Variants in DLD observed in about 807,000 individuals in gnomAD.
DLD encodes dihydrolipoyl dehydrogenase, mitochondrial.
In DLD, 36 loss-of-function variants were observed where a neutral mutation model predicts 62.2. The observed-to-expected ratio is 0.58, with a 90% CI of 0.44 to 0.76. The LOEUF (loss-of-function observed/expected upper bound fraction) is 0.76. Ranked by LOEUF, DLD falls within the 30% of genes least tolerant of loss-of-function variation. DLD has a pLI of 0.00. For synonymous variants in DLD, 204 were observed against 199.6 expected (o/e 1.02, Z -0.19); for missense variants, 541 against 608.6 (o/e 0.89, Z 1.17).
intron 8 of DLD, among the ~76,000 whole-genome samples, chr7:107,908,046 G>A (rs911983505): frequency 5.9e-5 from 9 of 151,968 alleles, no homozygotes; most frequent in African/African-American, 2.2e-4. Context: ...TAACTTCTGT[G>A]ATTTCATATT....
At chr7:107,912,111 T>C (rs1411498159) in intron 8 of DLD, among the ~76,000 whole-genome samples, 1 of 152,138 alleles carries the variant, frequency 6.6e-6, no homozygotes, top group African/African-American at 2.4e-5. Context: ...TAGCTTATTT[T>C]GCTTAACATG....
chr7:107,912,835 G>A (rs924338423), intron 8 of DLD, among the ~76,000 whole-genome samples: 1 of 152,008 alleles, frequency 6.6e-6, no homozygotes, highest in South Asian at 2.1e-4. Flanking sequence ...TGCTTTAGTT[G>A]CCTATGCTTT....
chr7:107,905,571 A>G, intron 7 of DLD, 67 bp downstream of exon 7: 2 of 1,523,990 alleles, frequency 1.3e-6, no homozygotes, highest in Middle Eastern at 1.7e-4. Context: ...TAAGTTATTT[A>G]TGCTATTTGT....
intron 8 of DLD, among the ~76,000 whole-genome samples, chr7:107,909,839 C>CTTTTTTTT (rs71134292): frequency 2.7e-5 from 2 of 73,052 alleles, no homozygotes; most frequent in South Asian, 5.4e-4. Flanking sequence ...GGAGAATTAA[C>CTTTTTTTT]TTTTTTTTTT....
intron 8 of DLD, 90 bp from the exon 9 acceptor site, chr7:107,915,416 A>C: frequency 2.8e-6 from 4 of 1,432,512 alleles, no homozygotes; most frequent in Non-Finnish European, 3.9e-6. Flanking sequence ...CGAAAGAAGA[A>C]AATGTTTTAC....
intron 7 of DLD, 111 bp downstream of exon 7, chr7:107,905,615 T>C (rs2031987642): frequency 1.7e-6 from 2 of 1,207,094 alleles, no homozygotes; most frequent in South Asian, 1.2e-5. Context: ...AAATACTATA[T>C]TTTGATGGTC....
At chr7:107,912,960 T>A (rs1388523969) in intron 8 of DLD, among the ~76,000 whole-genome samples, 1 of 152,176 alleles carries the variant, frequency 6.6e-6, no homozygotes, top group Non-Finnish European at 1.5e-5. Flanking sequence ...TAATCCATTT[T>A]GATTTGACTT....
intron 2 of DLD, among the ~76,000 whole-genome samples, chr7:107,899,367 T>TA (rs201660164): frequency 1.0e-4 from 15 of 149,440 alleles, no homozygotes; most frequent in Admixed American, 4.7e-4. Context: ...TTCTGAAGTT[T>TA]AAAAAAAAAC....
In DLD at chr7:107,920,291, T is replaced by TA; in HGVS notation, c.*1034dup. The TA allele has an allele frequency of 6.6e-6, 1 of 152,344 alleles. No homozygotes were observed. The highest frequency in any genetic ancestry group is 2.4e-5 in the African/African-American group (1 of 41,448). The allele number at this position is 152,344 out of a possible 1,614,324, so 9.4% of individuals were successfully genotyped here. A position where few individuals can be genotyped will look rare whatever the true frequency, so the allele number is the denominator to read the frequency against. On this transcript the variant is annotated 3_prime_UTR_variant, in exon 14 of 14. Transcript: ENST00000205402. ...TGGCCATGTCCTGAGGAAACTTAAG[T>TA]AACAAAGTACTAAATGCTAAGTAGG... is the stretch of plus-strand genomic sequence containing the variant.
At chr7:107,898,273 T>C (rs2031782144) in intron 2 of DLD, among the ~76,000 whole-genome samples, 1 of 50,096 alleles carries the variant, frequency 2.0e-5, no homozygotes, top group Non-Finnish European at 4.8e-5. Flanking sequence ...CTGTATCCTT[T>C]TTTTTTTTTT....
chr7:107,895,145 T>G (rs1337230054), intron 2 of DLD, among the ~76,000 whole-genome samples: 1 of 152,208 alleles, frequency 6.6e-6, no homozygotes, highest in Non-Finnish European at 1.5e-5. Context: ...AGGCACAGAT[T>G]TAATCCTCAT....
At position 107,897,574 on chromosome 7, in the gene DLD, CTTTTTTTTTT is replaced by C. The variant is rs35546358; in HGVS notation, c.119-4151_119-4142del. Among the ~76,000 whole-genome samples the C allele has an allele frequency of 2.1e-3, 238 of 111,342 alleles. 1 individual carries two copies. Among genetic ancestry groups the C allele is most frequent in the Non-Finnish European group, 2.5e-3 (138 of 54,906 alleles). The allele number at this position is 111,342 out of a possible 152,430, so 73.0% of individuals were successfully genotyped here. A position where few individuals can be genotyped will look rare whatever the true frequency, so the allele number is the denominator to read the frequency against. On this transcript the variant is annotated intron_variant, in intron 2 of 13. Transcript: ENST00000205402. Reference sequence around the variant, plus strand: ...AGTGGTAGGTATTATTGTAGACTGACTTTTTTTTTTTTTTTTTTTTTTGAAACTTGGTCTC... The same window carrying C: ...AGTGGTAGGTATTATTGTAGACTGACTTTTTTTTTTTTGAAACTTGGTCTC...
chr7:107,908,284 G>A lies in DLD; in HGVS notation c.684+1916G>A, dbSNP rs531059444. On this transcript the variant is annotated intron_variant, in intron 8 of 13. Coordinates refer to ENST00000205402, the MANE Select transcript of DLD (RefSeq NM_000108.5). ...TCCTGCCTCAGCCTCCCAAGTAGCT[G>A]AGACTACAGGCGCCCGCCAGCACGC... is the stretch of plus-strand genomic sequence containing the variant. Among the ~76,000 whole-genome samples the A allele has an allele frequency of 1.5e-4, 22 of 151,436 alleles. No individual in the cohort carries two copies. The South Asian group carries it at 3.3e-3, about 23-fold the overall frequency.
intron 8 of DLD, among the ~76,000 whole-genome samples, chr7:107,910,970 CTT>C (rs2032126188): frequency 6.6e-6 from 1 of 152,066 alleles, no homozygotes; most frequent in Non-Finnish European, 1.5e-5. Flanking sequence ...TTTCTTTTGT[CTT>C]GTTTGCTTTT....
chr7:107,917,406 T>G lies in DLD; in HGVS notation c.1180T>G (p.Tyr394Asp). 1 of 1,614,188 alleles carries G rather than the reference T, an allele frequency of 6.2e-7. No homozygotes were observed. The highest frequency in any genetic ancestry group is 8.5e-7 in the Non-Finnish European group (1 of 1,180,020). The change falls in exon 11 of 14, where the codon TAC (tyrosine) becomes GAC (aspartate). Residue 394 changes from tyrosine to aspartate, a missense_variant. Coordinates refer to ENST00000205402, the MANE Select transcript of DLD (RefSeq NM_000108.5). ...IDYNCVPSVI[Y>D]THPEVAWVGK... ...CTACAATTGTGTGCCATCAGTGATT[T>G]ACACACACCCTGAAGTTGCTTGGGT... is the stretch of plus-strand genomic sequence containing the variant.
At chr7:107,892,551 ATTTATTTATTTT>A (rs1444179929) in intron 1 of DLD, among the ~76,000 whole-genome samples, 2 of 151,796 alleles carry the variant, frequency 1.3e-5, no homozygotes, top group Non-Finnish European at 1.5e-5. Flanking sequence ...TTATTTATTT[ATTTATTTATTTT>A]GAGACGGAGT....
At chr7:107,909,916 G>A (rs1170861586) in intron 8 of DLD, among the ~76,000 whole-genome samples, 1 of 145,342 alleles carries the variant, frequency 6.9e-6, no homozygotes, top group Non-Finnish European at 1.5e-5. Context: ...GCATGATCTC[G>A]GCTCACTGCA....
intron 8 of DLD, among the ~76,000 whole-genome samples, chr7:107,910,883 C>T (rs2032123665): frequency 1.3e-5 from 2 of 152,112 alleles, no homozygotes; most frequent in Non-Finnish European, 1.5e-5. Context: ...AATTAGACTC[C>T]AAGATGATGT....
At chr7:107,896,634 T>G (rs1191522565) in intron 2 of DLD, among the ~76,000 whole-genome samples, 3 of 152,124 alleles carry the variant, frequency 2.0e-5, no homozygotes, top group Admixed American at 6.6e-5. Flanking sequence ...GAGTGTTAAC[T>G]ATGGGAGGAG....
Sources: gnomAD v4.1 joint callset for allele counts (sites outside exome capture counted in the v4.1 genomes callset) on GRCh38, gnomAD v4.1.1 for gene constraint, MANE v1.5 for transcripts, NCBI Gene and HGNC (gene_info 2026-07-23, HGNC 2026-07-21) for gene names.